Variants in COL18A1 observed in about 807,000 individuals in gnomAD.
COL18A1 encodes the protein collagen type XVIII alpha 1 chain.
COL18A1 carries 133 observed loss-of-function variants against 168.0 expected under a neutral mutation model. The ratio of observed to expected loss-of-function variants is 0.79; its 90% CI spans 0.69 to 0.91. The LOEUF (loss-of-function observed/expected upper bound fraction) is 0.91. Among genes scored for constraint, COL18A1 ranks in the 40% least tolerant of loss-of-function variants. The probability of loss-of-function intolerance (pLI) is 0.00; values close to 1 mark genes in which losing one functional copy is unlikely to be tolerated. For missense variants in COL18A1, 2,126 were observed against 1,925.4 expected, an observed-to-expected ratio of 1.10 and a Z score of -1.95; for synonymous variants, 949 against 809.0, an observed-to-expected ratio of 1.17 and a Z score of -2.94.
At position 45,473,807 on chromosome 21, in the gene COL18A1, G is replaced by GCC; in HGVS notation, c.652-83_652-82dup. 9.0e-7 allele frequency: 1 copy of GCC among 1,114,098 alleles called. No individual in the cohort carries two copies. Among genetic ancestry groups the GCC allele is most frequent in the Non-Finnish European group, 1.3e-6 (1 of 754,488 alleles). 69.0% of individuals were successfully genotyped at this position (1,114,098 alleles called of 1,614,324 possible). Reference sequence around the variant, plus strand: ...TCCGAGACTCTCCTGCCCTTTGTGGGCCCCCCGAAATCTGGAGCTCAAGCA... The same window carrying GCC: ...TCCGAGACTCTCCTGCCCTTTGTGGGCCCCCCCCGAAATCTGGAGCTCAAGCA... On this transcript the variant is annotated intron_variant, in intron 3 of 41. Coordinates refer to ENST00000651438, the MANE Select transcript of COL18A1 (RefSeq NM_001379500.1). The surrounding 1 kb of genome is among the most constrained non-coding windows in gnomAD (Gnocchi z 4.0).
intron 17 of COL18A1, among the ~76,000 whole-genome samples, chr21:45,487,767 C>T (rs543156800): frequency 6.6e-6 from 1 of 152,336 alleles, no homozygotes; most frequent in African/African-American, 2.4e-5. Flanking sequence ...GACAAAGGAA[C>T]ACGGGGCCGC....
rs553718013 is a variant in COL18A1 at position 45,496,389 on chromosome 21, G to A, written c.2509-111G>A. On this transcript the variant is annotated intron_variant, in intron 29 of 41. Coordinates refer to ENST00000651438, the MANE Select transcript of COL18A1 (RefSeq NM_001379500.1). ...GCATTCTCGGTTTTGCCTGGTCAGA[G>A]GTCTGCCTGGTCAGGTTTCTGATTT... The A allele has an allele frequency of 9.0e-6, 7 of 775,888 alleles. No homozygotes were observed. The East Asian group carries it at 1.5e-4, about 16-fold the overall frequency. 48.1% of individuals were successfully genotyped at this position (775,888 alleles called of 1,614,324 possible). A position where few individuals can be genotyped will look rare whatever the true frequency, so the allele number is the denominator to read the frequency against.
At chr21:45,475,576 C>T (rs778719537) in intron 5 of COL18A1, 41 bp downstream of exon 5, 29 of 1,554,296 alleles carry the variant, frequency 1.9e-5, no homozygotes, top group Admixed American at 3.6e-5. Context: ...TGCAGGGTCC[C>T]GGGAGAGCCC....
intron 40 of COL18A1, 46 bp downstream of exon 40, chr21:45,510,307 T>G (rs1045783523): frequency 6.5e-7 from 1 of 1,549,690 alleles, no homozygotes; most frequent in African/African-American, 1.4e-5. Context: ...GGCCCCCACT[T>G]GACCTCTGGG....
intron 2 of COL18A1, among the ~76,000 whole-genome samples, chr21:45,430,548 C>T (rs1336358098): frequency 1.3e-5 from 2 of 152,092 alleles, no homozygotes; most frequent in African/African-American, 4.8e-5. Context: ...GTGGGGCATC[C>T]ACTCTGGGCA....
intron 13 of COL18A1, 85 bp from the exon 14 acceptor site, chr21:45,481,878 G>A: frequency 1.0e-6 from 1 of 966,032 alleles, no homozygotes. Context: ...CTGGAAACCT[G>A]CGGAAGCCCA....
At chr21:45,509,991 G>A in intron 39 of COL18A1, 73 bp from the exon 40 acceptor site, 1 of 1,498,752 alleles carries the variant, frequency 6.7e-7, no homozygotes, top group Non-Finnish European at 8.9e-7. Flanking sequence ...TGCGGGGCCG[G>A]GGTGGTGCGC....
At chr21:45,496,136 T>G in intron 29 of COL18A1, 1 of 378,288 alleles carries the variant, frequency 2.6e-6, no homozygotes, top group Non-Finnish European at 5.1e-6. Flanking sequence ...ATGCTGGGGG[T>G]TCTCCCGCTC....
intron 9 of COL18A1, among the ~76,000 whole-genome samples, chr21:45,478,702 G>A (rs946496404): frequency 2.0e-5 from 3 of 151,894 alleles, no homozygotes; most frequent in Non-Finnish European, 4.4e-5. Context: ...AGCACGGGGC[G>A]ACCTGAGACT....
chr21:45,491,821 C>T (rs116925796), intron 22 of COL18A1, among the ~76,000 whole-genome samples: 2,275 of 152,352 alleles, frequency 0.015, 24 homozygotes, highest in Non-Finnish European at 0.022. Context: ...GACGCATCTC[C>T]GCCCAGCCAC....
At chr21:45,496,467 C>G (rs772741901) in intron 29 of COL18A1, 33 bp from the exon 30 acceptor site, 2 of 976,600 alleles carry the variant, frequency 2.0e-6, no homozygotes, top group South Asian at 2.5e-5. Flanking sequence ...ACAGGCAGGC[C>G]ATAAGCCTAA....
At chr21:45,455,662 G>C in intron 2 of COL18A1, 2 of 1,613,852 alleles carry the variant, frequency 1.2e-6, no homozygotes, top group Non-Finnish European at 1.7e-6. Context: ...CAGCTACCAC[G>C]ATCCCTGAGC....
At chr21:45,504,156 TG>T in intron 33 of COL18A1, 102 bp downstream of exon 33, 3 of 1,353,070 alleles carry the variant, frequency 2.2e-6, no homozygotes, top group Non-Finnish European at 3.2e-6. Context: ...GCCCCCTTCC[TG>T]TTCAGCCCTG....
In COL18A1 at chr21:45,501,527, C is replaced by T. The variant is rs561745023; in HGVS notation, c.2684-2484C>T. Among the ~76,000 whole-genome samples the T allele has an allele frequency of 2.0e-5, 3 of 152,276 alleles. No homozygotes were observed. The East Asian group carries it at 5.8e-4, about 29-fold the overall frequency. ...GTGGTCTTCCACGTGGCTCAGGAAT[C>T]CAGGAGAAGCAGGTGGAAGTCAGAA... On this transcript the variant is annotated intron_variant, in intron 32 of 41. Transcript: ENST00000651438.
chr21:45,492,086 AGGGGTGGAGTTGGGAACAGGC>A (rs1381752311), intron 22 of COL18A1, among the ~76,000 whole-genome samples: 1 of 152,060 alleles, frequency 6.6e-6, no homozygotes, highest in Non-Finnish European at 1.5e-5. Context: ...TCTTGAGAGG[AGGGGTGGAGTTGGGAACAGGC>A]AGGAGAGGGC....
intron 2 of COL18A1, among the ~76,000 whole-genome samples, chr21:45,437,210 G>GTA (rs796748748): frequency 1.2e-5 from 1 of 83,670 alleles, no homozygotes; most frequent in African/African-American, 6.5e-5. Flanking sequence ...GCACTCTCCT[G>GTA]CACACACACA....
At chr21:45,482,174 G>C (rs2035922498) in intron 14 of COL18A1, 149 bp downstream of exon 14, 2 of 675,904 alleles carry the variant, frequency 3.0e-6, no homozygotes, top group East Asian at 5.4e-5. Context: ...GCGCTCTGGA[G>C]GTCACCCTGA....
intron 3 of COL18A1, among the ~76,000 whole-genome samples, chr21:45,472,292 C>A (rs572103607): frequency 3.3e-5 from 5 of 151,268 alleles, no homozygotes; most frequent in Non-Finnish European, 5.9e-5. Context: ...GGCACGATTG[C>A]GGCTCACTGC....
At chr21:45,455,957 C>A (rs1256077191) in intron 2 of COL18A1, 1 of 1,612,962 alleles carries the variant, frequency 6.2e-7, no homozygotes, top group Non-Finnish European at 8.5e-7. Flanking sequence ...GGCGGAAACC[C>A]TGGTCCTGGA....
Sources: allele counts gnomAD v4.1 joint callset (sites outside exome capture counted in the v4.1 genomes callset), GRCh38; gene constraint gnomAD v4.1.1; non-coding constraint Gnocchi (gnomAD v3.1); transcripts MANE v1.5; gene names NCBI Gene and HGNC (gene_info 2026-07-23, HGNC 2026-07-21).